The following PCSK5 variants were observed in gnomAD, a reference collection of about 807,000 sequenced individuals.
PCSK5 encodes the protein proprotein convertase subtilisin/kexin type 5.
PCSK5 carries 129 observed loss-of-function variants against 233.2 expected under a neutral mutation model. The observed-to-expected ratio is 0.55, with a 90% confidence interval of 0.48 to 0.64. PCSK5 has a LOEUF of 0.64. Ranked by LOEUF, PCSK5 falls within the 30% of genes least tolerant of loss-of-function variation. The probability of loss-of-function intolerance (pLI) is 0.00; values close to 1 mark genes in which losing one functional copy is unlikely to be tolerated. For synonymous variants in PCSK5, 825 were observed against 879.2 expected (o/e 0.94, Z 1.09); for missense variants, 2,076 against 2,430.1 (o/e 0.85, Z 3.06).
chr9:75,990,543 T>C (rs559765167), intron 3 of PCSK5, among the ~76,000 whole-genome samples: 2 of 152,340 alleles, frequency 1.3e-5, no homozygotes, highest in Non-Finnish European at 2.9e-5. Flanking sequence ...GAAATTCAGT[T>C]CACTTCTTGT....
intron 24 of PCSK5, 145 bp downstream of exon 24, chr9:76,240,829 C>A: frequency 1.6e-6 from 1 of 635,452 alleles, no homozygotes; most frequent in East Asian, 2.8e-5. Context: ...AGGCTTTCTT[C>A]AATACAAACA....
At chr9:75,939,082 A>C (rs1204373572) in intron 2 of PCSK5, among the ~76,000 whole-genome samples, 1 of 152,198 alleles carries the variant, frequency 6.6e-6, no homozygotes, top group Non-Finnish European at 1.5e-5. Flanking sequence ...GCTCCAAAGA[A>C]GGAAATGCAA....
intron 21 of PCSK5, among the ~76,000 whole-genome samples, chr9:76,229,028 G>T (rs1327039484): frequency 6.6e-6 from 1 of 152,120 alleles, no homozygotes; most frequent in African/African-American, 2.4e-5. Context: ...ATGAATAAGA[G>T]AAGGAAAAGA....
At position 76,041,570 on chromosome 9, in the gene PCSK5, G is replaced by A. The variant is rs568795681; in HGVS notation, c.632+14533G>A. On this transcript the variant is annotated intron_variant, in intron 5 of 37. Transcript: ENST00000674117. ...ATGTAAAGAATTTATGGCCAGGTGCGGTGGCTCACACCTGTAATTCCAGCA... is the reference window on the plus strand; with the variant it reads ...ATGTAAAGAATTTATGGCCAGGTGCAGTGGCTCACACCTGTAATTCCAGCA... 7.2e-5 allele frequency among the ~76,000 whole-genome samples: 11 copies of A among 152,104 alleles called. No individual in the cohort carries two copies. In the East Asian group the frequency reaches 7.7e-4, roughly 11 times the overall value.
intron 30 of PCSK5, among the ~76,000 whole-genome samples, chr9:76,313,960 G>A (rs967768538): frequency 6.6e-6 from 1 of 152,120 alleles, no homozygotes; most frequent in African/African-American, 2.4e-5. Context: ...ATAAAGCAAA[G>A]GTGAAAGAGA....
chr9:75,900,586 G>A (rs181397374), intron 1 of PCSK5, among the ~76,000 whole-genome samples: 3 of 150,912 alleles, frequency 2.0e-5, no homozygotes, highest in African/African-American at 7.3e-5. Context: ...GGCTGAGGTG[G>A]GACAGTTGCT....
At chr9:76,193,413 GAAAAAAGCCAAAAAGAAA>G (rs1384308309) in intron 20 of PCSK5, 7 of 981,780 alleles carry the variant, frequency 7.1e-6, no homozygotes, top group South Asian at 5.3e-5. Context: ...TTATTAAAAA[GAAAAAAGCCAAAAAGAAA>G]AAAAAAAAAA....
At chr9:75,983,112 A>G (rs1449521506) in intron 2 of PCSK5, among the ~76,000 whole-genome samples, 1 of 151,970 alleles carries the variant, frequency 6.6e-6, no homozygotes, top group African/African-American at 2.4e-5. Context: ...TTTCTATGCT[A>G]TTACATTGGT....
In PCSK5 at chr9:76,362,907, C is replaced by T. The variant is rs890606490; in HGVS notation, c.*3985C>T. On this transcript the variant is annotated 3_prime_UTR_variant, in exon 38 of 38. Transcript: ENST00000674117. ...TTAAAAGGGACAGGAATTGCTCACTCGGGGAGCTCGGCTCTTGAGACAGGA... is the reference window on the plus strand; with the variant it reads ...TTAAAAGGGACAGGAATTGCTCACTTGGGGAGCTCGGCTCTTGAGACAGGA... Among the ~76,000 whole-genome samples the T allele has an allele frequency of 1.3e-5, 2 of 152,280 alleles. No individual in the cohort carries two copies. The highest frequency in any genetic ancestry group is 2.4e-5 in the African/African-American group (1 of 41,556).
At chr9:76,126,892 A>G (rs140850361) in intron 9 of PCSK5, among the ~76,000 whole-genome samples, 15 of 152,264 alleles carry the variant, frequency 9.9e-5, no homozygotes, top group African/African-American at 3.6e-4. Flanking sequence ...TGACTATGCA[A>G]TATATGCACA....
chr9:76,348,972 T>G (rs1052053914), intron 35 of PCSK5, among the ~76,000 whole-genome samples: 3 of 151,996 alleles, frequency 2.0e-5, no homozygotes, highest in Admixed American at 6.6e-5. Context: ...AAGCTGTATT[T>G]TAGAAAAATG....
chr9:76,272,886 CTCT>C (rs1389013921), intron 24 of PCSK5, among the ~76,000 whole-genome samples: 1 of 151,518 alleles, frequency 6.6e-6, no homozygotes, highest in Non-Finnish European at 1.5e-5. Flanking sequence ...CCTCTCCTGC[CTCT>C]TCTTGCTTCT....
At position 76,189,109 on chromosome 9, in the gene PCSK5, G is replaced by T; in HGVS notation, c.2396G>T (p.Gly799Val). The stretch of plus-strand genomic sequence containing the variant: ...TGCTTTTAAGGGGCAGGAGCTGATG[G>T]GTGCATTAACTGCACAGAGGGCTAC... ...CATCAGAGAD[G>V]CINCTEGYFM... Residue 799 changes from glycine to valine, a missense_variant, in exon 19 of 38, where the codon GGG (glycine) becomes GTG (valine). Transcript: ENST00000674117. 1 of 1,613,262 alleles carries T rather than the reference G, an allele frequency of 6.2e-7. No individual in the cohort carries two copies. The highest frequency in any genetic ancestry group is 8.5e-7 in the Non-Finnish European group (1 of 1,179,644).
Position 75,907,348 on chromosome 9 carries a change from A to C in PCSK5, c.192+15975A>C, listed in dbSNP as rs139740665. ...ATGTAAAATAATGTGAACACTGGAG[A>C]AAAAGTACAAAAAATTCTATATAGT... On this transcript the variant is annotated intron_variant, in intron 1 of 37. Coordinates refer to ENST00000674117, the MANE Select transcript of PCSK5 (RefSeq NM_001372043.1). Among the ~76,000 whole-genome samples, 635 of 152,324 alleles carry C rather than the reference A, an allele frequency of 4.2e-3. 7 individuals are homozygous for C. The highest frequency in any genetic ancestry group is 0.014 in the African/African-American group (596 of 41,576).
intron 2 of PCSK5, among the ~76,000 whole-genome samples, chr9:75,937,379 A>G (rs776573806): frequency 8.6e-5 from 13 of 152,042 alleles, no homozygotes; most frequent in Non-Finnish European, 1.8e-4. Context: ...GGGTTTCACC[A>G]TGTTAGTCAG....
intron 20 of PCSK5, among the ~76,000 whole-genome samples, chr9:76,217,945 A>T (rs940022305): frequency 2.8e-4 from 42 of 151,928 alleles, no homozygotes; most frequent in African/African-American, 1.0e-3. Context: ...TTTCATTCTC[A>T]TCTGTTTATG....
intron 24 of PCSK5, among the ~76,000 whole-genome samples, chr9:76,264,844 A>G (rs189625644): frequency 6.6e-6 from 1 of 152,310 alleles, no homozygotes; most frequent in East Asian, 1.9e-4. Flanking sequence ...CTTAAAGCAG[A>G]ACTACTGTTT....
intron 24 of PCSK5, among the ~76,000 whole-genome samples, chr9:76,260,259 G>A (rs991241705): frequency 1.8e-4 from 28 of 152,234 alleles, no homozygotes; most frequent in African/African-American, 6.0e-4. Flanking sequence ...TCTGTAGTAG[G>A]CAGAATAATA....
intron 23 of PCSK5, among the ~76,000 whole-genome samples, chr9:76,239,702 A>C (rs554796435): frequency 7.8e-6 from 1 of 128,554 alleles, no homozygotes; most frequent in African/African-American, 2.6e-5. Context: ...TCTCAAAAAA[A>C]AAAAAAAAGA....
Sources: gnomAD v4.1 joint callset for allele counts (sites outside exome capture counted in the v4.1 genomes callset) on GRCh38, gnomAD v4.1.1 for gene constraint, MANE v1.5 for transcripts, NCBI Gene and HGNC (gene_info 2026-07-23, HGNC 2026-07-21) for gene names.